The following LRRC38 variants were observed in gnomAD, a reference collection of about 807,000 sequenced individuals.
The protein encoded by LRRC38 is leucine-rich repeat-containing protein 38.
A neutral mutation model predicts 16.4 loss-of-function variants in LRRC38; 5 were observed. The ratio of observed to expected loss-of-function variants is 0.31; its 90% CI spans 0.16 to 0.64. The LOEUF (loss-of-function observed/expected upper bound fraction) is 0.64, where lower values mean the gene tolerates loss of function less well. LRRC38 is among the 30% of genes least tolerant of loss of function. The pLI is 0.80. For synonymous variants in LRRC38, 191 were observed against 190.2 expected (o/e 1.00, Z -0.04); for missense variants, 341 against 401.8 (o/e 0.85, Z 1.29).
rs1157853453 is a variant in LRRC38, at chr1:13,513,599, G to GGGGGCCCGCGCCGGCCGC, written c.-24_-7dup. The GGGGGCCCGCGCCGGCCGC allele has an allele frequency of 1.2e-5, 13 of 1,108,806 alleles. No individual in the cohort carries two copies. The East Asian group carries it at 6.5e-4, about 56-fold the overall frequency. The allele number at this position is 1,108,806 out of a possible 1,614,324, so 68.7% of individuals were successfully genotyped here. A position where few individuals can be genotyped will look rare whatever the true frequency, so the allele number is the denominator to read the frequency against. On this transcript the variant is annotated 5_prime_UTR_variant, in exon 1 of 2. Transcript: ENST00000376085. Reference sequence around the variant, plus strand: ...GCTGGGGCTCGGGGGCGCATGGCCGGGGGGCCCGCGCCGGCCGCGGCGAGA... The same window carrying GGGGGCCCGCGCCGGCCGC: ...GCTGGGGCTCGGGGGCGCATGGCCGGGGGGCCCGCGCCGGCCGCGGGGCCCGCGCCGGCCGCGGCGAGA...
intron 1 of LRRC38, among the ~76,000 whole-genome samples, chr1:13,506,006 T>C (rs3013051): frequency 0.39 from 59,141 of 151,754 alleles, 14,489 homozygotes; most frequent in East Asian, 0.81. Flanking sequence ...TTTCCAAATA[T>C]GCCCTGTGTT....
At chr1:13,492,030 G>A (rs565722053) in intron 1 of LRRC38, among the ~76,000 whole-genome samples, 6 of 152,144 alleles carry the variant, frequency 3.9e-5, no homozygotes, top group African/African-American at 1.2e-4. Flanking sequence ...CATTCACACC[G>A]TTATGCAACC....
chr1:13,491,107 T>C (rs1639006785), intron 1 of LRRC38, among the ~76,000 whole-genome samples: 1 of 152,198 alleles, frequency 6.6e-6, no homozygotes, highest in South Asian at 2.1e-4. Context: ...GGGGTAATCT[T>C]GCCCATCGGG....
chr1:13,486,907 T>A (rs1041073516), intron 1 of LRRC38, among the ~76,000 whole-genome samples: 1 of 152,166 alleles, frequency 6.6e-6, no homozygotes, highest in African/African-American at 2.4e-5. Context: ...TCTTAAAATG[T>A]GTGGCCCTCT....
intron 1 of LRRC38, among the ~76,000 whole-genome samples, chr1:13,483,915 AGAGAG>A (rs1361576735): frequency 1.5e-5 from 2 of 137,072 alleles, no homozygotes; most frequent in Non-Finnish European, 3.1e-5. Flanking sequence ...CAGAACCAAC[AGAGAG>A]GAGAGGAGTG....
chr1:13,503,549 G>A (rs1247521328), intron 1 of LRRC38, among the ~76,000 whole-genome samples: 6 of 152,184 alleles, frequency 3.9e-5, no homozygotes, highest in South Asian at 2.1e-4. Flanking sequence ...GATTACAGGC[G>A]TGAGCCACCA....
At chr1:13,497,897 T>A (rs190743614) in intron 1 of LRRC38, among the ~76,000 whole-genome samples, 128 of 144,328 alleles carry the variant, frequency 8.9e-4, no homozygotes, top group Non-Finnish European at 1.5e-3. Flanking sequence ...GAGGCCGAGG[T>A]TGCCGTGAGC....
chr1:13,504,754 G>A (rs1343449690), intron 1 of LRRC38, among the ~76,000 whole-genome samples: 11 of 84,648 alleles, frequency 1.3e-4, no homozygotes, highest in African/African-American at 2.7e-4. Context: ...GAGGGGAGGG[G>A]AGGGGAGGGG....
intron 1 of LRRC38, among the ~76,000 whole-genome samples, chr1:13,505,936 C>CCCTCTGGGCTGTGGGAGGGAGCT (rs1553121251): frequency 1.3e-5 from 2 of 149,120 alleles, no homozygotes; most frequent in East Asian, 4.1e-4. Context: ...AAGGAGGGGC[C>CCCTCTGGGCTGTGGGAGGGAGCT]CGTCTGGGCT....
chr1:13,480,841 C>G (rs956754418), intron 1 of LRRC38, among the ~76,000 whole-genome samples: 3 of 152,150 alleles, frequency 2.0e-5, no homozygotes, highest in South Asian at 4.1e-4. Flanking sequence ...TCTTTATTAG[C>G]AGCACGAGAA....
intron 1 of LRRC38, among the ~76,000 whole-genome samples, chr1:13,512,650 C>T (rs1178253410): frequency 1.3e-5 from 2 of 152,116 alleles, no homozygotes; most frequent in Non-Finnish European, 2.9e-5. Flanking sequence ...GTAATCCACA[C>T]CCGCCAGTCC....
intron 1 of LRRC38, among the ~76,000 whole-genome samples, chr1:13,505,707 G>A (rs944811392): frequency 6.6e-6 from 1 of 152,202 alleles, no homozygotes; most frequent in African/African-American, 2.4e-5. Context: ...AGAGTGATGG[G>A]GTAGGGGTGG....
intron 1 of LRRC38, among the ~76,000 whole-genome samples, chr1:13,492,721 A>G (rs769920892): frequency 1.9e-4 from 29 of 151,964 alleles, no homozygotes; most frequent in Middle Eastern, 3.4e-3. Flanking sequence ...AAAAAAAAGG[A>G]CTTTTTGAAA....
At chr1:13,512,194 T>C (rs1405926794) in intron 1 of LRRC38, among the ~76,000 whole-genome samples, 2 of 152,170 alleles carry the variant, frequency 1.3e-5, no homozygotes, top group Non-Finnish European at 2.9e-5. Flanking sequence ...CTGTGGATGC[T>C]GGGGTCCCCT....
chr1:13,509,849 C>T (rs754080196), intron 1 of LRRC38, among the ~76,000 whole-genome samples: 7 of 152,134 alleles, frequency 4.6e-5, no homozygotes, highest in Non-Finnish European at 8.8e-5. Flanking sequence ...AGTTACTGCA[C>T]CACAGAGCCA....
At chr1:13,511,830 G>T (rs898535215) in intron 1 of LRRC38, among the ~76,000 whole-genome samples, 1 of 152,134 alleles carries the variant, frequency 6.6e-6, no homozygotes, top group African/African-American at 2.4e-5. Flanking sequence ...TCAGGGGCCT[G>T]CATTTGCTGA....
At position 13,493,636 on chromosome 1, in the gene LRRC38, G is replaced by A. The variant is rs1032052398; in HGVS notation, c.632-17537C>T. ...TCACAAGGGTCCTTATAAAAGGGAG[G>A]CAGGCAGGTCAGAGCAGGAGAAAGA... On this transcript the variant is annotated intron_variant, in intron 1 of 1. Coordinates refer to ENST00000376085, the MANE Select transcript of LRRC38 (RefSeq NM_001010847.2). Among the ~76,000 whole-genome samples the A allele has an allele frequency of 3.9e-5, 6 of 152,174 alleles. No homozygotes were observed. In the South Asian group the frequency reaches 1.2e-3, roughly 31 times the overall value.
chr1:13,512,540 C>A (rs1240729299), intron 1 of LRRC38, among the ~76,000 whole-genome samples: 1 of 152,154 alleles, frequency 6.6e-6, no homozygotes, highest in African/African-American at 2.4e-5. Context: ...CGGGAAGCTG[C>A]TGGAGAGCCC....
Position 13,513,105 on chromosome 1 carries a change from G to T in LRRC38, c.489C>A (p.Asn163Lys). The T allele has an allele frequency of 6.4e-7, 1 of 1,550,412 alleles. No individual in the cohort carries two copies. The highest frequency in any genetic ancestry group is 1.4e-5 in the African/African-American group (1 of 73,178). Residue 163 changes from asparagine to lysine, a missense_variant, in exon 1 of 2, where the codon AAC (asparagine) becomes AAA (lysine). Coordinates refer to ENST00000376085, the MANE Select transcript of LRRC38 (RefSeq NM_001010847.2). Reference sequence around the variant, plus strand: ...GGGCGGCCACGCTGAGGCTGCGCAGGTTGTTGTCGTTGAGCTCCAGCACCT... The same window carrying T: ...GGGCGGCCACGCTGAGGCTGCGCAGTTTGTTGTCGTTGAGCTCCAGCACCT... ...SLQVLELNDN[N>K]LRSLSVAALA... is the part of the protein sequence containing the mutation.
Sources: allele counts gnomAD v4.1 joint callset (sites outside exome capture counted in the v4.1 genomes callset), GRCh38; gene constraint gnomAD v4.1.1; transcripts MANE v1.5; gene names NCBI Gene and HGNC (gene_info 2026-07-23, HGNC 2026-07-21).